The following KIRREL3 variants were observed in gnomAD, a reference collection of about 807,000 sequenced individuals.
The protein encoded by KIRREL3 is kirre like nephrin family adhesion molecule 3, also known as kin of IRRE-like protein 3.
In KIRREL3, 36 loss-of-function variants were observed where a neutral mutation model predicts 89.7. That is an observed-to-expected ratio of 0.40 (90% confidence interval 0.31 to 0.53). The LOEUF is 0.53. KIRREL3 is among the 20% of genes least tolerant of loss of function. KIRREL3 has a pLI of 0.49. For missense variants in KIRREL3, 864 were observed against 1,056.6 expected, an observed-to-expected ratio of 0.82 and a Z score of 2.53; for synonymous variants, 445 against 441.4, an observed-to-expected ratio of 1.01 and a Z score of -0.10.
chr11:126,662,280 G>A (rs73030574), intron 1 of KIRREL3, among the ~76,000 whole-genome samples: 71 of 152,296 alleles, frequency 4.7e-4, no homozygotes, highest in Non-Finnish European at 7.6e-4. Flanking sequence ...AATGACTTTG[G>A]GGAGTCTGCC....
chr11:126,627,015 A>C lies in KIRREL3; in HGVS notation c.56-64103T>G, dbSNP rs200333258. ...AACACTGTCTCAAGAAAAAAAAAAA[A>C]CAAAAAAAAAAGAATAACCACAGTT... On this transcript the variant is annotated intron_variant, in intron 1 of 16. Transcript: ENST00000525144. This position sits in a 1 kb window ranked among gnomAD's most constrained non-coding sequence, Gnocchi z 5.0. Among the ~76,000 whole-genome samples, 13 of 25,604 alleles carry C rather than the reference A, an allele frequency of 5.1e-4. No homozygotes were observed. In the Admixed American group the frequency reaches 7.3e-3, roughly 14 times the overall value. The allele number at this position is 25,604 out of a possible 152,430, so 16.8% of individuals were successfully genotyped here.
At chr11:126,878,238 G>A (rs561762254) in intron 1 of KIRREL3, among the ~76,000 whole-genome samples, 2 of 152,308 alleles carry the variant, frequency 1.3e-5, no homozygotes, top group Admixed American at 6.5e-5. Flanking sequence ...TTACTGCAGA[G>A]TTAAAAACTG....
At chr11:126,458,999 C>G (rs1259416783) in intron 6 of KIRREL3, among the ~76,000 whole-genome samples, 2 of 152,172 alleles carry the variant, frequency 1.3e-5, no homozygotes, top group Non-Finnish European at 2.9e-5. Flanking sequence ...AACATGGACA[C>G]TCAGGGAGGA....
chr11:126,542,183 C>T (rs79166009), intron 2 of KIRREL3, among the ~76,000 whole-genome samples: 3,917 of 152,310 alleles, frequency 0.026, 172 homozygotes, highest in African/African-American at 0.086. Context: ...GTCTGAAGCA[C>T]GAGGTGCCTT....
rs983395933 is a variant in KIRREL3 at position 126,664,960 on chromosome 11, A to T, written c.56-102048T>A. ...GCTCTTACTCTGCAGCCTTCGACAC[A>T]TTATTCATAACATGATGATTATTTT... is the stretch of plus-strand genomic sequence containing the variant. On this transcript the variant is annotated intron_variant, in intron 1 of 16. Coordinates refer to ENST00000525144, the MANE Select transcript of KIRREL3 (RefSeq NM_032531.4). The surrounding 1 kb of genome is among the most constrained non-coding windows in gnomAD (Gnocchi z 5.4). Among the ~76,000 whole-genome samples, 1 of 152,182 alleles carries T rather than the reference A, an allele frequency of 6.6e-6. No individual in the cohort carries two copies. The highest frequency in any genetic ancestry group is 1.5e-5 in the Non-Finnish European group (1 of 68,032).
Position 126,436,898 on chromosome 11 carries a change from C to G in KIRREL3, c.1465G>C (p.Val489Leu). Residue 489 changes from valine to leucine, a missense_variant, in exon 12 of 17, where the codon GTG becomes CTG. By Grantham distance (32) the Val-to-Leu change is conservative (BLOSUM62 1). Transcript: ENST00000525144. The part of the protein sequence containing the change: ...VISTLTISNI[V>L]RADFQTIYNC... ...TAGATGGTCTGGAAGTCGGCCCGCA[C>G]GATGTTGCTGATGGTCAGGGTGGAG... 1.2e-6 allele frequency: 2 copies of G among 1,613,586 alleles called. No individual in the cohort carries two copies.
intron 1 of KIRREL3, among the ~76,000 whole-genome samples, chr11:126,680,329 T>C (rs1946390938): frequency 6.6e-6 from 1 of 152,118 alleles, no homozygotes; most frequent in African/African-American, 2.4e-5. Flanking sequence ...CTAATGGTAC[T>C]TAGCATGCAA....
intron 1 of KIRREL3, among the ~76,000 whole-genome samples, chr11:126,800,953 G>C (rs949424513): frequency 2.0e-5 from 3 of 152,204 alleles, no homozygotes; most frequent in African/African-American, 7.2e-5. Flanking sequence ...AGGTTGGTGA[G>C]GGACAGGGAC....
At chr11:126,784,846 A>G (rs1950437111) in intron 1 of KIRREL3, among the ~76,000 whole-genome samples, 2 of 152,214 alleles carry the variant, frequency 1.3e-5, no homozygotes, top group African/African-American at 4.8e-5. Flanking sequence ...GGTGCTAGAA[A>G]TAAAAGCATA....
intron 1 of KIRREL3, among the ~76,000 whole-genome samples, chr11:126,632,488 G>A (rs1031722780): frequency 3.9e-5 from 6 of 152,092 alleles, no homozygotes; most frequent in African/African-American, 7.2e-5. Context: ...TATTTGGCTC[G>A]GAGGAAGGCA....
Position 126,446,746 on chromosome 11 carries a change from G to GCACCACCA in KIRREL3, c.1125+12_1125+13insTGGTGGTG. Reference sequence around the variant, plus strand: ...CTGCCAGAGGTGCCCCGAGGTCTGAGCTGCAGCCTCACCACTCCGGAGCCC... The same window carrying GCACCACCA: ...CTGCCAGAGGTGCCCCGAGGTCTGAGCACCACCACTGCAGCCTCACCACTCCGGAGCCC... On this transcript the variant is annotated intron_variant, in intron 9 of 16. Transcript: ENST00000525144. 2 of 1,595,074 alleles carry GCACCACCA rather than the reference G, an allele frequency of 1.3e-6. No individual in the cohort carries two copies. The highest frequency in any genetic ancestry group is 2.7e-5 in the African/African-American group (2 of 74,708).
intron 1 of KIRREL3, among the ~76,000 whole-genome samples, chr11:126,699,810 G>A (rs958605695): frequency 5.9e-5 from 9 of 152,222 alleles, no homozygotes; most frequent in East Asian, 5.8e-4. Flanking sequence ...GTTTAGGCCC[G>A]CGAAGTAATT....
At position 126,530,235 on chromosome 11, in the gene KIRREL3, C is replaced by G. The variant is rs1201200966; in HGVS notation, c.134-3548G>C. Among the ~76,000 whole-genome samples the G allele has an allele frequency of 6.6e-6, 1 of 152,122 alleles. No homozygotes were observed. The highest frequency in any genetic ancestry group is 2.1e-4 in the South Asian group (1 of 4,818). On this transcript the variant is annotated intron_variant, in intron 2 of 16. Transcript: ENST00000525144. The surrounding 1 kb of genome is among the most constrained non-coding windows in gnomAD (Gnocchi z 5.8). Reference sequence around the variant, plus strand: ...GAGCAGCTGGGATTACAGGTATGCACCAGCATGTCCGGCTGATTTTCATAT... The same window carrying G: ...GAGCAGCTGGGATTACAGGTATGCAGCAGCATGTCCGGCTGATTTTCATAT...
rs753896875 is a variant in KIRREL3 at position 126,806,845 on chromosome 11, C to A, written c.55+193610G>T. On this transcript the variant is annotated intron_variant, in intron 1 of 16. Coordinates refer to ENST00000525144, the MANE Select transcript of KIRREL3 (RefSeq NM_032531.4). ...GCTCTCCTCCCCTTGCCCCCCACCC[C>A]CAACAGGCTCCAGTGTGTGATGTTT... is the stretch of plus-strand genomic sequence containing the variant. 2.0e-5 allele frequency among the ~76,000 whole-genome samples: 3 copies of A among 151,982 alleles called. No homozygotes were observed. The South Asian group carries it at 6.2e-4, about 32-fold the overall frequency.
At chr11:126,446,178 C>G (rs116445514) in intron 9 of KIRREL3, among the ~76,000 whole-genome samples, 5,623 of 148,786 alleles carry the variant, frequency 0.038, 375 homozygotes, top group African/African-American at 0.13. Context: ...AAATGGAACA[C>G]AGGAAAGTGA....
intron 11 of KIRREL3, among the ~76,000 whole-genome samples, chr11:126,439,196 T>C (rs1955469218): frequency 1.3e-5 from 2 of 152,044 alleles, no homozygotes; most frequent in African/African-American, 4.8e-5. Context: ...CTGGGTGTGG[T>C]GGCAGGTGCC....
At chr11:126,678,432 C>T (rs1397114806) in intron 1 of KIRREL3, among the ~76,000 whole-genome samples, 2 of 151,728 alleles carry the variant, frequency 1.3e-5, no homozygotes, top group East Asian at 1.9e-4. Context: ...AACCCTGTCT[C>T]TACTAAAAAT....
At chr11:126,679,543 A>C (rs1279082344) in intron 1 of KIRREL3, among the ~76,000 whole-genome samples, 1 of 152,190 alleles carries the variant, frequency 6.6e-6, no homozygotes, top group East Asian at 1.9e-4. Context: ...GAAAGAGCAG[A>C]GCTAAGATTT....
chr11:126,516,486 G>A lies in KIRREL3; in HGVS notation c.433+4829C>T, dbSNP rs113152800. Among the ~76,000 whole-genome samples the A allele has an allele frequency of 8.7e-4, 133 of 152,224 alleles. No homozygotes were observed. The highest frequency in any genetic ancestry group is 1.5e-3 in the Non-Finnish European group (104 of 68,028). On this transcript the variant is annotated intron_variant, in intron 4 of 16. Coordinates refer to ENST00000525144, the MANE Select transcript of KIRREL3 (RefSeq NM_032531.4). This position sits in a 1 kb window ranked among gnomAD's most constrained non-coding sequence, Gnocchi z 4.9. The stretch of plus-strand genomic sequence containing the variant: ...TTAATCCGTGCATCACTTATCGACC[G>A]CCTTCTCTCTGCCAGAATGCAAGCT...
Sources: allele counts gnomAD v4.1 joint callset (sites outside exome capture counted in the v4.1 genomes callset), GRCh38; gene constraint gnomAD v4.1.1; non-coding constraint Gnocchi (gnomAD v3.1); transcripts MANE v1.5; gene names NCBI Gene and HGNC (gene_info 2026-07-23, HGNC 2026-07-21).